The following UBE2L3 variants were observed in gnomAD, a reference collection of about 807,000 sequenced individuals.
UBE2L3 encodes the protein ubiquitin conjugating enzyme E2 L3.
UBE2L3 carries 1 observed loss-of-function variant against 17.8 expected under a neutral mutation model. That is an observed-to-expected ratio of 0.06 (90% CI 0.02 to 0.27). UBE2L3 has a LOEUF of 0.27. Among genes scored for constraint, UBE2L3 ranks in the 10% least tolerant of loss-of-function variants. The probability of loss-of-function intolerance (pLI) is 1.00; values close to 1 mark genes in which losing one functional copy is unlikely to be tolerated. For missense variants in UBE2L3, 40 were observed against 192.6 expected (o/e 0.21, Z 4.69); for synonymous variants, 44 against 68.5 (o/e 0.64, Z 1.76).
rs1478136465 is a variant in UBE2L3 at position 21,612,628 on chromosome 22, TTTTTC to T, written c.310+1600_310+1604del. Among the ~76,000 whole-genome samples, 827 of 138,242 alleles carry T rather than the reference TTTTTC, an allele frequency of 6.0e-3. 27 individuals are homozygous for T. Among genetic ancestry groups the T allele is most frequent in the African/African-American group, 0.023 (788 of 34,962 alleles). 90.7% of individuals were successfully genotyped at this position (138,242 alleles called of 152,430 possible). A position where few individuals can be genotyped will look rare whatever the true frequency, so the allele number is the denominator to read the frequency against. On this transcript the variant is annotated intron_variant, in intron 3 of 3. Transcript: ENST00000342192. ...GCGTAAGCCACCGCACCCAGCCGAT[TTTTTC>T]TTTTCTTTTCTTTTTTTTTTTTTTT...
intron 1 of UBE2L3, among the ~76,000 whole-genome samples, chr22:21,561,151 C>G (rs1167248937): frequency 6.6e-6 from 1 of 152,286 alleles, no homozygotes; most frequent in Non-Finnish European, 1.5e-5. Flanking sequence ...AGCCTCTGAC[C>G]AGCCAGATGA....
chr22:21,567,458 TG>T, upstream of UBE2L3: 1 of 489,106 alleles, frequency 2.0e-6, no homozygotes. Flanking sequence ...CCCCCGCGCC[TG>T]GTCAACTATT....
chr22:21,620,732 C>T (rs1025164358), intron 3 of UBE2L3, among the ~76,000 whole-genome samples: 1 of 152,132 alleles, frequency 6.6e-6, no homozygotes, highest in African/African-American at 2.4e-5. Context: ...TGGCTGGCCC[C>T]AGTGACCCTT....
intron 2 of UBE2L3, among the ~76,000 whole-genome samples, chr22:21,600,728 G>A (rs1341596532): frequency 1.3e-5 from 2 of 152,032 alleles, no homozygotes; most frequent in African/African-American, 4.8e-5. Flanking sequence ...CCAAAGAACT[G>A]TATTATGAAA....
At chr22:21,604,732 T>A (rs1395401317) in intron 2 of UBE2L3, among the ~76,000 whole-genome samples, 1 of 152,304 alleles carries the variant, frequency 6.6e-6, no homozygotes, top group Admixed American at 6.5e-5. Flanking sequence ...GTATATCTTA[T>A]GTTTTAATTT....
chr22:21,587,481 G>A (rs1360092654), intron 1 of UBE2L3, among the ~76,000 whole-genome samples: 1 of 152,154 alleles, frequency 6.6e-6, no homozygotes, highest in Non-Finnish European at 1.5e-5. Flanking sequence ...GCCTCGCCTA[G>A]ATTTCTTGAT....
chr22:21,585,079 A>G (rs1011903129), intron 1 of UBE2L3, among the ~76,000 whole-genome samples: 8 of 152,256 alleles, frequency 5.3e-5, no homozygotes, highest in Non-Finnish European at 1.0e-4. Context: ...TCTTTAGGCC[A>G]TAGGTTCCTG....
At chr22:21,606,875 G>A (rs1929204155) in intron 2 of UBE2L3, among the ~76,000 whole-genome samples, 1 of 152,144 alleles carries the variant, frequency 6.6e-6, no homozygotes, top group South Asian at 2.1e-4. Context: ...CTGCTCGGTG[G>A]TGATTCAGAC....
intron 3 of UBE2L3, among the ~76,000 whole-genome samples, chr22:21,611,446 G>T (rs985694528): frequency 1.3e-5 from 2 of 152,218 alleles, no homozygotes; most frequent in Non-Finnish European, 2.9e-5. Flanking sequence ...CTTGAAGGAG[G>T]AAAGGAGGTT....
At chr22:21,551,992 T>TACATAC (rs1926084732) in intron 1 of UBE2L3, among the ~76,000 whole-genome samples, 1 of 99,770 alleles carries the variant, frequency 1.0e-5, no homozygotes, top group Non-Finnish European at 2.0e-5. Flanking sequence ...ACTGAAGAAA[T>TACATAC]ACACACACAC....
rs1380258332 is a variant in UBE2L3, at chr22:21,622,882, T to TATC, written c.*1215_*1216insCAT. The TATC allele has an allele frequency of 6.5e-6, 1 of 152,806 alleles. No individual in the cohort carries two copies. Among genetic ancestry groups the TATC allele is most frequent in the Non-Finnish European group, 1.5e-5 (1 of 68,050 alleles). The allele number at this position is 152,806 out of a possible 1,614,324, so 9.5% of individuals were successfully genotyped here. On this transcript the variant is annotated 3_prime_UTR_variant, in exon 4 of 4. Transcript: ENST00000342192. Reference sequence around the variant, plus strand: ...AGTAATATCCTTTCAATGTGTTTTATATTGTTTTGACTGCCTTTTTTTGTA... The same window carrying TATC: ...AGTAATATCCTTTCAATGTGTTTTATATCATTGTTTTGACTGCCTTTTTTTGTA...
chr22:21,614,606 T>A lies in UBE2L3; in HGVS notation c.310+3563T>A, dbSNP rs576680147. The stretch of plus-strand genomic sequence containing the variant: ...CTTCTCTCAGATCCAGCCTTGAAGT[T>A]CTTTGACCTCCTCAATTCACAACCT... On this transcript the variant is annotated intron_variant, in intron 3 of 3. Coordinates refer to ENST00000342192, the MANE Select transcript of UBE2L3 (RefSeq NM_003347.4). 1.8e-5 allele frequency: 24 copies of A among 1,367,566 alleles called. No individual in the cohort carries two copies. The South Asian group carries it at 2.5e-4, about 14-fold the overall frequency. The allele number at this position is 1,367,566 out of a possible 1,614,324, so 84.7% of individuals were successfully genotyped here.
At chr22:21,589,536 G>A (rs1020935738) in intron 1 of UBE2L3, among the ~76,000 whole-genome samples, 5 of 152,290 alleles carry the variant, frequency 3.3e-5, no homozygotes, top group East Asian at 1.9e-4. Context: ...CATAGTGCCC[G>A]TGGTTCTCAG....
chr22:21,565,134 C>G (rs983200679), upstream of UBE2L3, among the ~76,000 whole-genome samples: 1 of 151,746 alleles, frequency 6.6e-6, no homozygotes, highest in Non-Finnish European at 1.5e-5. Flanking sequence ...GCTGTGTTAC[C>G]CAGGCTGGAG....
At chr22:21,584,534 C>T (rs1325867959) in intron 1 of UBE2L3, among the ~76,000 whole-genome samples, 2 of 151,802 alleles carry the variant, frequency 1.3e-5, no homozygotes, top group Non-Finnish European at 2.9e-5. Context: ...GACAAGGTCT[C>T]ACTCTGTCAC....
chr22:21,552,102 G>T (rs1195553738), intron 1 of UBE2L3, among the ~76,000 whole-genome samples: 1 of 149,548 alleles, frequency 6.7e-6, no homozygotes, highest in African/African-American at 2.5e-5. Flanking sequence ...CTTCAGTCTG[G>T]CTCCTCTTTG....
chr22:21,589,290 C>T (rs934294200), intron 1 of UBE2L3, among the ~76,000 whole-genome samples: 2 of 151,670 alleles, frequency 1.3e-5, no homozygotes, highest in East Asian at 3.9e-4. Flanking sequence ...GGACTACAGG[C>T]GCCCGCCACC....
At chr22:21,576,704 G>A (rs1398954328) in intron 1 of UBE2L3, among the ~76,000 whole-genome samples, 1 of 151,914 alleles carries the variant, frequency 6.6e-6, no homozygotes, top group African/African-American at 2.4e-5. Flanking sequence ...AAAATTCTAG[G>A]ATTACAGATG....
At chr22:21,573,673 GTC>G (rs1417770310) in intron 1 of UBE2L3, among the ~76,000 whole-genome samples, 1 of 152,170 alleles carries the variant, frequency 6.6e-6, no homozygotes, top group Non-Finnish European at 1.5e-5. Context: ...GTGAGGTTGA[GTC>G]TCTCTCATCC....
Sources: allele counts gnomAD v4.1 joint callset (sites outside exome capture counted in the v4.1 genomes callset), GRCh38; gene constraint gnomAD v4.1.1; transcripts MANE v1.5; gene names NCBI Gene and HGNC (gene_info 2026-07-23, HGNC 2026-07-21).